CPEB3: variants seen among roughly 807,000 people sequenced by gnomAD.
CPEB3 encodes the protein cytoplasmic polyadenylation element-binding protein 3.
CPEB3 carries 20 observed loss-of-function variants against 67.2 expected under a neutral mutation model. The observed-to-expected ratio is 0.30, with a 90% CI of 0.21 to 0.43. The LOEUF is 0.43. CPEB3 is among the 20% of genes least tolerant of loss of function. The pLI is 1.00. For missense variants in CPEB3, 746 were observed against 968.6 expected (o/e 0.77, Z 3.05); for synonymous variants, 376 against 393.1 (o/e 0.96, Z 0.51).
intron 1 of CPEB3, among the ~76,000 whole-genome samples, chr10:92,250,277 G>A (rs908524764): frequency 4.0e-5 from 6 of 151,398 alleles, no homozygotes; most frequent in East Asian, 2.0e-4. Context: ...TAGTAGTGAC[G>A]GGGTTTCACC....
intron 2 of CPEB3, among the ~76,000 whole-genome samples, chr10:92,231,082 A>G (rs948998117): frequency 6.6e-6 from 1 of 152,190 alleles, no homozygotes; most frequent in Non-Finnish European, 1.5e-5. Flanking sequence ...GGATCCAGGA[A>G]AACCCTTACA....
At chr10:92,214,929 C>T (rs1268816524) in intron 2 of CPEB3, among the ~76,000 whole-genome samples, 1 of 152,048 alleles carries the variant, frequency 6.6e-6, no homozygotes, top group Non-Finnish European at 1.5e-5. Flanking sequence ...CTCACTGCAG[C>T]CTCTGCTTCC....
chr10:92,094,638 T>G (rs992020354), intron 7 of CPEB3, among the ~76,000 whole-genome samples: 6 of 152,134 alleles, frequency 3.9e-5, no homozygotes, highest in African/African-American at 1.4e-4. Context: ...CATGTAAATT[T>G]TGGTCTGTTT....
At chr10:92,126,423 C>G (rs150199498) in intron 6 of CPEB3, among the ~76,000 whole-genome samples, 5 of 152,268 alleles carry the variant, frequency 3.3e-5, no homozygotes, top group African/African-American at 4.8e-5. Flanking sequence ...GCATCATCCA[C>G]GAGGCAGAAT....
At chr10:92,120,875 AT>A (rs35375479) in intron 6 of CPEB3, among the ~76,000 whole-genome samples, 4 of 150,288 alleles carry the variant, frequency 2.7e-5, no homozygotes, top group Non-Finnish European at 5.9e-5. Flanking sequence ...TAATTTTTAT[AT>A]TTTTAGTAGA....
chr10:92,256,136 C>T (rs1463611347), intron 1 of CPEB3, among the ~76,000 whole-genome samples: 1 of 152,176 alleles, frequency 6.6e-6, no homozygotes, highest in Non-Finnish European at 1.5e-5. Flanking sequence ...ACAAGTCCAA[C>T]TGGTTGATAA....
intron 6 of CPEB3, among the ~76,000 whole-genome samples, chr10:92,112,438 C>T (rs1420369291): frequency 6.6e-6 from 1 of 152,174 alleles, no homozygotes; most frequent in Admixed American, 6.5e-5. Context: ...AGCCACCACG[C>T]CCGGCCCCAG....
intron 5 of CPEB3, 43 bp from the exon 6 acceptor site, chr10:92,143,161 T>C (rs931434591): frequency 5.4e-6 from 8 of 1,471,870 alleles, no homozygotes; most frequent in South Asian, 3.5e-5. Context: ...GAAAAAAATA[T>C]TGCAATCAGA....
intron 6 of CPEB3, among the ~76,000 whole-genome samples, chr10:92,119,388 A>AT (rs1489177826): frequency 6.6e-6 from 1 of 151,978 alleles, no homozygotes; most frequent in African/African-American, 2.4e-5. Flanking sequence ...AAAAATTCCC[A>AT]TTTTTTGCCC....
intron 1 of CPEB3, among the ~76,000 whole-genome samples, chr10:92,269,470 T>C (rs879263377): frequency 2.0e-5 from 3 of 152,126 alleles, no homozygotes; most frequent in Non-Finnish European, 2.9e-5. Context: ...TGTTCAAATA[T>C]TTGGGAACAC....
intron 1 of CPEB3, among the ~76,000 whole-genome samples, chr10:92,280,343 CAAAAAAAAAAAAAA>C (rs60338900): frequency 1.3e-4 from 5 of 37,808 alleles, no homozygotes; most frequent in African/African-American, 2.3e-4. Flanking sequence ...AACTCCATCT[CAAAAAAAAAAAAAA>C]AAAAAAAAAA....
chr10:92,056,828 T>C (rs1010910738), intron 9 of CPEB3, among the ~76,000 whole-genome samples: 1 of 152,138 alleles, frequency 6.6e-6, no homozygotes, highest in African/African-American at 2.4e-5. Context: ...TTCCTTCAGT[T>C]TGAAGAGAGG....
At chr10:92,176,912 CA>C (rs1474878691) in intron 4 of CPEB3, among the ~76,000 whole-genome samples, 1 of 152,192 alleles carries the variant, frequency 6.6e-6, no homozygotes, top group East Asian at 1.9e-4. Flanking sequence ...GAATGTGGCC[CA>C]AACAAATCTG....
At chr10:92,073,213 A>AT in intron 9 of CPEB3, among the ~76,000 whole-genome samples, 1 of 151,088 alleles carries the variant, frequency 6.6e-6, no homozygotes, top group Middle Eastern at 3.4e-3. Flanking sequence ...AATTTTTTTT[A>AT]TTTTTTGTAG....
chr10:92,239,871 G>A lies in CPEB3; in HGVS notation c.480C>T (p.Thr160=), dbSNP rs1341848752. 1.9e-6 allele frequency: 3 copies of A among 1,593,978 alleles called. No individual in the cohort carries two copies. Among genetic ancestry groups the A allele is most frequent in the Non-Finnish European group, 2.6e-6 (3 of 1,170,766 alleles). ...GCGGCGGCGGCTGCTGGTGGTGCTG[G>A]GTCTGCGCCAGGCCGATCTGCGGGG... ...TFSPQIGLAQ[T]QHHQQPPPPA... The change falls in exon 2 of 10, where the codon ACC becomes ACT. Residue 160 remains threonine (T), a synonymous_variant. Transcript: ENST00000265997. This position sits in a 1 kb window ranked among gnomAD's most constrained non-coding sequence, Gnocchi z 6.0.
At chr10:92,226,500 T>A (rs1276046089) in intron 2 of CPEB3, among the ~76,000 whole-genome samples, 1 of 152,172 alleles carries the variant, frequency 6.6e-6, no homozygotes, top group Non-Finnish European at 1.5e-5. Context: ...GCCTAATCAG[T>A]CATTTGTAAA....
chr10:92,211,732 C>G (rs568276173), intron 2 of CPEB3, among the ~76,000 whole-genome samples: 4 of 150,534 alleles, frequency 2.7e-5, no homozygotes, highest in African/African-American at 9.8e-5. Context: ...TAGTAGAGAC[C>G]GGGTTTCACT....
chr10:92,216,268 T>G, intron 2 of CPEB3: 1 of 1,402,664 alleles, frequency 7.1e-7, no homozygotes, highest in Non-Finnish European at 9.8e-7. Flanking sequence ...AAACCCCATC[T>G]CTACTAAAAA....
chr10:92,106,053 C>T (rs941941200), intron 7 of CPEB3, among the ~76,000 whole-genome samples: 11 of 151,906 alleles, frequency 7.2e-5, no homozygotes, highest in Admixed American at 2.6e-4. Flanking sequence ...CCACCATATC[C>T]GGCTAATTTT....
Sources: allele counts gnomAD v4.1 joint callset (sites outside exome capture counted in the v4.1 genomes callset), GRCh38; gene constraint gnomAD v4.1.1; non-coding constraint Gnocchi (gnomAD v3.1); transcripts MANE v1.5; gene names NCBI Gene and HGNC (gene_info 2026-07-23, HGNC 2026-07-21).